The following MAPKAP1 variants were observed in gnomAD, a reference collection of about 807,000 sequenced individuals.
MAPKAP1 encodes the protein target of rapamycin complex 2 subunit MAPKAP1.
MAPKAP1 carries 20 observed loss-of-function variants against 65.7 expected under a neutral mutation model. The observed-to-expected ratio is 0.30, with a 90% confidence interval of 0.21 to 0.44. MAPKAP1 has a LOEUF of 0.44. Ranked by LOEUF, MAPKAP1 falls within the 20% of genes least tolerant of loss-of-function variation. The pLI is 1.00. For synonymous variants in MAPKAP1, 222 were observed against 244.3 expected (o/e 0.91, Z 0.85); for missense variants, 423 against 648.0 (o/e 0.65, Z 3.77).
chr9:125,659,847 A>G (rs1190610850), intron 3 of MAPKAP1, among the ~76,000 whole-genome samples: 2 of 151,508 alleles, frequency 1.3e-5, no homozygotes, highest in East Asian at 1.9e-4. Context: ...AATCAAATCC[A>G]CTCCAAGTAG....
chr9:125,469,421 TACAA>T (rs1853814880), intron 9 of MAPKAP1, among the ~76,000 whole-genome samples: 1 of 151,946 alleles, frequency 6.6e-6, no homozygotes, highest in East Asian at 1.9e-4. Context: ...AAAAAACAAA[TACAA>T]ACAAAATCCT....
chr9:125,445,092 C>T (rs1852657189), intron 10 of MAPKAP1, among the ~76,000 whole-genome samples: 1 of 151,696 alleles, frequency 6.6e-6, no homozygotes, highest in East Asian at 1.9e-4. Context: ...TTAGACCCTG[C>T]TGGAAGCTGC....
At chr9:125,502,655 A>ATC (rs1318168052) in intron 8 of MAPKAP1, among the ~76,000 whole-genome samples, 2 of 152,172 alleles carry the variant, frequency 1.3e-5, no homozygotes, top group Non-Finnish European at 2.9e-5. Flanking sequence ...GATGTATCAC[A>ATC]TATGATTTCA....
intron 9 of MAPKAP1, 135 bp from the exon 10 acceptor site, chr9:125,468,244 G>T: frequency 2.4e-6 from 2 of 848,692 alleles, no homozygotes; most frequent in Non-Finnish European, 3.6e-6. Context: ...TTTGGGGAAT[G>T]CCACGGGCTT....
At chr9:125,517,751 G>A (rs2133108363) in intron 7 of MAPKAP1, among the ~76,000 whole-genome samples, 1 of 152,266 alleles carries the variant, frequency 6.6e-6, no homozygotes, top group Middle Eastern at 3.4e-3. Flanking sequence ...GGGCTCTGGG[G>A]AGGAGCAGGG....
Position 125,441,128 on chromosome 9 carries a change from A to T in MAPKAP1, c.1444-2116T>A, listed in dbSNP as rs188910764. On this transcript the variant is annotated intron_variant, in intron 11 of 11. Transcript: ENST00000265960. ...ATGCACTATAGAGTGTTTCATTTTC[A>T]ACGCATTTTACAGCTTAAGGCATAA... 7.2e-5 allele frequency among the ~76,000 whole-genome samples: 11 copies of T among 152,348 alleles called. No homozygotes were observed. In the East Asian group the frequency reaches 2.1e-3, roughly 29 times the overall value.
At chr9:125,651,023 G>C (rs561303484) in intron 4 of MAPKAP1, among the ~76,000 whole-genome samples, 1 of 152,260 alleles carries the variant, frequency 6.6e-6, no homozygotes, top group South Asian at 2.1e-4. Context: ...CTGGAGTGCA[G>C]TGGTGCAATC....
At chr9:125,449,398 G>A (rs1201527605) in intron 10 of MAPKAP1, among the ~76,000 whole-genome samples, 1 of 152,156 alleles carries the variant, frequency 6.6e-6, no homozygotes, top group Non-Finnish European at 1.5e-5. Context: ...TAATTGCTTT[G>A]AAGATTGCAT....
chr9:125,703,490 G>A (rs1295677133), intron 1 of MAPKAP1, among the ~76,000 whole-genome samples: 2 of 152,132 alleles, frequency 1.3e-5, no homozygotes, highest in African/African-American at 4.8e-5. Flanking sequence ...AACGTAATGT[G>A]GCCACGAATG....
intron 5 of MAPKAP1, among the ~76,000 whole-genome samples, chr9:125,582,789 C>T (rs1831664328): frequency 6.6e-6 from 1 of 152,164 alleles, no homozygotes; most frequent in South Asian, 2.1e-4. Context: ...TCCTTTGGTC[C>T]CATACCCTCA....
intron 5 of MAPKAP1, among the ~76,000 whole-genome samples, chr9:125,580,373 C>T (rs4837020): frequency 0.3 from 45,573 of 151,952 alleles, 7,941 homozygotes; most frequent in Non-Finnish European, 0.4. Flanking sequence ...AGGATGAGTT[C>T]ATGTCTTTTG....
At chr9:125,449,020 A>AAAAAT (rs1852832816) in intron 10 of MAPKAP1, among the ~76,000 whole-genome samples, 1 of 152,028 alleles carries the variant, frequency 6.6e-6, no homozygotes, top group African/African-American at 2.4e-5. Context: ...AAAAAAAAAA[A>AAAAAT]AAAATCAGCT....
intron 1 of MAPKAP1, among the ~76,000 whole-genome samples, chr9:125,679,583 T>A (rs1264814187): frequency 1.3e-5 from 2 of 152,196 alleles, no homozygotes; most frequent in Admixed American, 6.5e-5. Flanking sequence ...GGGTTTACTT[T>A]AAATATCTAG....
intron 1 of MAPKAP1, among the ~76,000 whole-genome samples, chr9:125,689,034 C>T (rs1487605558): frequency 6.6e-6 from 1 of 152,192 alleles, no homozygotes; most frequent in African/African-American, 2.4e-5. Flanking sequence ...AGCATGACTA[C>T]ATACTACACG....
At chr9:125,445,888 A>G (rs1039664631) in intron 10 of MAPKAP1, among the ~76,000 whole-genome samples, 5 of 152,244 alleles carry the variant, frequency 3.3e-5, no homozygotes, top group African/African-American at 4.8e-5. Flanking sequence ...CGTAGTCAGT[A>G]TTCAGTAAAC....
At chr9:125,671,058 C>T (rs1008622618) in intron 2 of MAPKAP1, among the ~76,000 whole-genome samples, 7 of 152,126 alleles carry the variant, frequency 4.6e-5, no homozygotes, top group African/African-American at 1.4e-4. Context: ...GTGAAGGGTA[C>T]AGCCAAAGTA....
chr9:125,546,177 C>A (rs1389015565), intron 6 of MAPKAP1, among the ~76,000 whole-genome samples: 2 of 152,176 alleles, frequency 1.3e-5, no homozygotes, highest in Admixed American at 1.3e-4. Context: ...GCACACACGG[C>A]CCTCGGAATG....
intron 5 of MAPKAP1, among the ~76,000 whole-genome samples, chr9:125,578,606 T>C (rs530039299): frequency 2.0e-5 from 3 of 152,080 alleles, no homozygotes; most frequent in Non-Finnish European, 2.9e-5. Context: ...AAGCTCAGAT[T>C]GCTGATGAAG....
intron 9 of MAPKAP1, among the ~76,000 whole-genome samples, chr9:125,472,104 T>C (rs1398167580): frequency 6.6e-6 from 1 of 152,212 alleles, no homozygotes; most frequent in Admixed American, 6.5e-5. Flanking sequence ...AAGCTGCAAT[T>C]TGAACTCAGG....
Sources: gnomAD v4.1 joint callset for allele counts (sites outside exome capture counted in the v4.1 genomes callset) on GRCh38, gnomAD v4.1.1 for gene constraint, MANE v1.5 for transcripts, NCBI Gene and HGNC (gene_info 2026-07-23, HGNC 2026-07-21) for gene names.